Variants in NRXN3 observed in about 807,000 individuals in gnomAD.
The protein encoded by NRXN3 is neurexin III.
A neutral mutation model predicts 137.6 loss-of-function variants in NRXN3; 32 were observed. The observed-to-expected ratio is 0.23, with a 90% CI of 0.18 to 0.31. The LOEUF is 0.31. Ranked by LOEUF, NRXN3 falls within the 10% of genes least tolerant of loss-of-function variation. NRXN3 has a pLI of 1.00. For missense variants in NRXN3, 1,574 were observed against 2,062.5 expected (o/e 0.76, Z 4.59); for synonymous variants, 798 against 784.5 (o/e 1.02, Z -0.29).
At chr14:79,005,488 C>A (rs1258999163) in intron 15 of NRXN3, among the ~76,000 whole-genome samples, 1 of 152,052 alleles carries the variant, frequency 6.6e-6, no homozygotes. Flanking sequence ...TGATGAGAGT[C>A]TTTCTTCATA....
intron 15 of NRXN3, among the ~76,000 whole-genome samples, chr14:79,188,240 A>T (rs2153164754): frequency 6.6e-6 from 1 of 152,306 alleles, no homozygotes; most frequent in South Asian, 2.1e-4. Context: ...GTGATAGTGG[A>T]GAGTCTCTTT....
chr14:79,507,959 G>A, intron 16 of NRXN3, among the ~76,000 whole-genome samples: 1 of 152,086 alleles, frequency 6.6e-6, no homozygotes, highest in African/African-American at 2.4e-5. Context: ...AGAGACTTCT[G>A]TGTCTTCTTT....
At chr14:79,385,262 A>G (rs919613714) in intron 15 of NRXN3, among the ~76,000 whole-genome samples, 5 of 121,692 alleles carry the variant, frequency 4.1e-5, no homozygotes, top group African/African-American at 1.6e-4. Flanking sequence ...TCCTGTGTCC[A>G]TGTGATCTCA....
intron 15 of NRXN3, among the ~76,000 whole-genome samples, chr14:79,301,821 T>G (rs2085191189): frequency 6.6e-6 from 1 of 151,936 alleles, no homozygotes; most frequent in African/African-American, 2.4e-5. Context: ...TATATGTGTA[T>G]GTTTAAGGGA....
chr14:79,548,250 C>T (rs376144412), intron 16 of NRXN3, among the ~76,000 whole-genome samples: 2 of 152,076 alleles, frequency 1.3e-5, no homozygotes, highest in African/African-American at 4.8e-5. Flanking sequence ...CACGTATTCT[C>T]GTTGTTCAAC....
At chr14:78,376,270 T>A (rs1234534995) in intron 4 of NRXN3, among the ~76,000 whole-genome samples, 1 of 152,224 alleles carries the variant, frequency 6.6e-6, no homozygotes, top group East Asian at 1.9e-4. Flanking sequence ...TGGTTCCCAC[T>A]GTGGCATACC....
intron 6 of NRXN3, among the ~76,000 whole-genome samples, chr14:78,677,708 A>G (rs2152732798): frequency 1.3e-5 from 2 of 152,346 alleles, no homozygotes; most frequent in South Asian, 4.1e-4. Context: ...GCTGTCAAAC[A>G]GCATTACATG....
At chr14:79,341,181 T>C (rs1230007044) in intron 15 of NRXN3, among the ~76,000 whole-genome samples, 1 of 152,156 alleles carries the variant, frequency 6.6e-6, no homozygotes, top group Non-Finnish European at 1.5e-5. Context: ...GTCATTATGA[T>C]GCACACCTTG....
At chr14:78,767,540 C>T (rs975320522) in intron 8 of NRXN3, among the ~76,000 whole-genome samples, 92 of 152,280 alleles carry the variant, frequency 6.0e-4, no homozygotes, top group African/African-American at 2.1e-3. Context: ...TGGCATGTGT[C>T]GCAGAGCGCC....
chr14:79,730,169 G>A (rs1241884586), intron 19 of NRXN3, among the ~76,000 whole-genome samples: 1 of 152,138 alleles, frequency 6.6e-6, no homozygotes, highest in East Asian at 1.9e-4. Flanking sequence ...CCTACTAAAG[G>A]AATAGTGTTT....
intron 15 of NRXN3, among the ~76,000 whole-genome samples, chr14:79,367,205 G>A (rs764804755): frequency 4.6e-5 from 7 of 151,964 alleles, no homozygotes; most frequent in Non-Finnish European, 8.8e-5. Context: ...GGATGGTCTC[G>A]ATCTCCTGAC....
chr14:79,332,267 A>G (rs769128018), intron 15 of NRXN3, among the ~76,000 whole-genome samples: 3 of 152,198 alleles, frequency 2.0e-5, no homozygotes, highest in Non-Finnish European at 4.4e-5. Context: ...CTGTAATGAA[A>G]GGCTTCTAAC....
intron 20 of NRXN3, among the ~76,000 whole-genome samples, chr14:79,806,857 AT>A (rs2099207811): frequency 6.8e-6 from 1 of 145,990 alleles, no homozygotes; most frequent in African/African-American, 2.5e-5. Context: ...GGGTTCATAT[AT>A]TAATAGGTCA....
chr14:79,355,965 A>T (rs2093407621), intron 15 of NRXN3, among the ~76,000 whole-genome samples: 1 of 152,198 alleles, frequency 6.6e-6, no homozygotes, highest in South Asian at 2.1e-4. Flanking sequence ...TGTGTTATAT[A>T]ATATGAAGTC....
chr14:78,718,065 A>T (rs2098442368), intron 8 of NRXN3, among the ~76,000 whole-genome samples: 1 of 152,182 alleles, frequency 6.6e-6, no homozygotes, highest in Non-Finnish European at 1.5e-5. Context: ...CAGGAATGGA[A>T]TACTTTTCGG....
chr14:78,658,760 A>T (rs1031796827), intron 6 of NRXN3, among the ~76,000 whole-genome samples: 1 of 152,208 alleles, frequency 6.6e-6, no homozygotes, highest in Non-Finnish European at 1.5e-5. Flanking sequence ...CTTGCTGTAC[A>T]TCTTTATTCC....
chr14:79,716,345 A>G (rs1431566499), intron 19 of NRXN3, among the ~76,000 whole-genome samples: 1 of 152,218 alleles, frequency 6.6e-6, no homozygotes, highest in Non-Finnish European at 1.5e-5. Flanking sequence ...GACCATACAC[A>G]TTGAACAGAT....
At chr14:78,519,915 C>G (rs970564268) in intron 4 of NRXN3, among the ~76,000 whole-genome samples, 4 of 152,110 alleles carry the variant, frequency 2.6e-5, no homozygotes, top group African/African-American at 9.7e-5. Flanking sequence ...AATATTTATA[C>G]CCTAATACTA....
chr14:78,919,716 T>G (rs1025963274), intron 10 of NRXN3, among the ~76,000 whole-genome samples: 1 of 151,986 alleles, frequency 6.6e-6, no homozygotes, highest in African/African-American at 2.4e-5. Context: ...CAAAGTCATA[T>G]ATGTGAACAC....
Sources: gnomAD v4.1 joint callset for allele counts (sites outside exome capture counted in the v4.1 genomes callset) on GRCh38, gnomAD v4.1.1 for gene constraint, MANE v1.5 for transcripts, NCBI Gene and HGNC (gene_info 2026-07-23, HGNC 2026-07-21) for gene names.